Variants in CAP2 observed in about 807,000 individuals in gnomAD.
The protein encoded by CAP2 is adenylyl cyclase-associated protein 2.
CAP2 carries 24 observed loss-of-function variants against 57.7 expected under a neutral mutation model. The observed-to-expected ratio is 0.42, with a 90% CI of 0.30 to 0.58. The LOEUF is 0.58. Among genes scored for constraint, CAP2 ranks in the 20% least tolerant of loss-of-function variants. CAP2 has a pLI of 0.22. For missense variants in CAP2, 501 were observed against 590.3 expected (o/e 0.85, Z 1.57); for synonymous variants, 194 against 207.2 (o/e 0.94, Z 0.55).
chr6:17,396,129 T>A (rs761787449), intron 1 of CAP2, among the ~76,000 whole-genome samples: 1 of 152,198 alleles, frequency 6.6e-6, no homozygotes, highest in Non-Finnish European at 1.5e-5. Flanking sequence ...CTAGCATGGC[T>A]ATAATCAAAA....
intron 12 of CAP2, among the ~76,000 whole-genome samples, chr6:17,554,150 A>G (rs1026185500): frequency 5.3e-5 from 8 of 152,166 alleles, no homozygotes; most frequent in African/African-American, 1.9e-4. Context: ...TCTGTTGACC[A>G]GGCTGGAGTG....
chr6:17,483,084 G>A (rs1180645735), intron 4 of CAP2, among the ~76,000 whole-genome samples: 1 of 152,202 alleles, frequency 6.6e-6, no homozygotes, highest in Admixed American at 6.5e-5. Flanking sequence ...CAGGTGGAGA[G>A]TTCCAGGCCC....
intron 3 of CAP2, among the ~76,000 whole-genome samples, chr6:17,460,729 A>T (rs895525648): frequency 6.6e-6 from 1 of 152,220 alleles, no homozygotes; most frequent in Non-Finnish European, 1.5e-5. Flanking sequence ...TTTTTCATTT[A>T]CATCTCTACG....
rs182411160 is a variant in CAP2 at position 17,445,171 on chromosome 6, A to G, written c.223-17825A>G. ...ACCCAGGCTGGAGTGCAGTGGCACA[A>G]TCTCAGCTCACTGCAACCTCCACCT... On this transcript the variant is annotated intron_variant, in intron 3 of 12. Transcript: ENST00000229922. 1.4e-3 allele frequency among the ~76,000 whole-genome samples: 208 copies of G among 152,314 alleles called. 2 individuals are homozygous for G. The highest frequency in any genetic ancestry group is 4.7e-3 in the African/African-American group (195 of 41,564).
At chr6:17,520,905 G>A (rs559165617) in intron 7 of CAP2, among the ~76,000 whole-genome samples, 1 of 152,326 alleles carries the variant, frequency 6.6e-6, no homozygotes, top group South Asian at 2.1e-4. Context: ...CAAAGTGAAT[G>A]GGCAGCGCCT....
At chr6:17,473,646 A>G (rs1264777585) in intron 4 of CAP2, among the ~76,000 whole-genome samples, 2 of 152,222 alleles carry the variant, frequency 1.3e-5, no homozygotes, top group Non-Finnish European at 2.9e-5. Context: ...AAAGCTGTAT[A>G]TGTGAAAATT....
At chr6:17,521,495 G>T (rs1421730270) in intron 7 of CAP2, among the ~76,000 whole-genome samples, 1 of 152,158 alleles carries the variant, frequency 6.6e-6, no homozygotes. Context: ...GGTTGGAAGT[G>T]GCTGTGAGTT....
At chr6:17,474,228 C>T (rs1335091115) in intron 4 of CAP2, among the ~76,000 whole-genome samples, 3 of 120,580 alleles carry the variant, frequency 2.5e-5, no homozygotes, top group Admixed American at 1.0e-4. Flanking sequence ...TCTCCAAATC[C>T]GTTCCCCTAG....
At chr6:17,421,514 T>C in intron 1 of CAP2, 41 bp from the exon 2 acceptor site, 4 of 1,612,890 alleles carry the variant, frequency 2.5e-6, no homozygotes, top group South Asian at 1.1e-5. Context: ...TCATCCTCCC[T>C]GATGCTCACG....
At chr6:17,490,704 T>G (rs556080881) in intron 4 of CAP2, among the ~76,000 whole-genome samples, 7 of 152,224 alleles carry the variant, frequency 4.6e-5, no homozygotes, top group African/African-American at 1.7e-4. Flanking sequence ...AATGAGAGCC[T>G]TGGAGAAGGA....
chr6:17,436,086 T>TTCCTTCCTTCCTTCCTTCCTTCC (rs1759876688), intron 3 of CAP2, among the ~76,000 whole-genome samples: 66 of 133,992 alleles, frequency 4.9e-4, no homozygotes, highest in African/African-American at 1.8e-3. Context: ...TCTTTCTTTC[T>TTCCTTCCTTCCTTCCTTCCTTCC]TTCCTTCCTT....
chr6:17,428,775 A>T (rs547879577), intron 3 of CAP2, among the ~76,000 whole-genome samples: 19 of 80,212 alleles, frequency 2.4e-4, no homozygotes, highest in African/African-American at 5.7e-4. Flanking sequence ...AAAGTATAAT[A>T]AAAAAAAAAA....
chr6:17,521,345 G>A (rs567596021), intron 7 of CAP2, among the ~76,000 whole-genome samples: 10 of 152,206 alleles, frequency 6.6e-5, no homozygotes, highest in Non-Finnish European at 1.0e-4. Flanking sequence ...ATGAACCTGG[G>A]AGGCGGAGCT....
At chr6:17,486,019 A>C (rs568531652) in intron 4 of CAP2, among the ~76,000 whole-genome samples, 1 of 152,230 alleles carries the variant, frequency 6.6e-6, no homozygotes, top group African/African-American at 2.4e-5. Flanking sequence ...ACAATCACCT[A>C]TAATATATTT....
intron 4 of CAP2, among the ~76,000 whole-genome samples, chr6:17,500,336 T>C (rs1761773943): frequency 1.0e-5 from 1 of 96,864 alleles, no homozygotes; most frequent in Non-Finnish European, 2.0e-5. Context: ...TATGTGTGTG[T>C]CCAAATATAT....
In CAP2 at chr6:17,529,651, A is replaced by AAAAAAAAAT. The variant is rs10656588; in HGVS notation, c.637-9617_637-9616insAAAAAAATA. On this transcript the variant is annotated intron_variant, in intron 7 of 12. Coordinates refer to ENST00000229922, the MANE Select transcript of CAP2 (RefSeq NM_006366.3). The stretch of plus-strand genomic sequence containing the variant: ...GCAAGACTCCGTCTCAAAAAAAAAA[A>AAAAAAAAAT]ATATATATATATATATATATGTATA... 3.8e-3 allele frequency among the ~76,000 whole-genome samples: 511 copies of AAAAAAAAAT among 134,480 alleles called. 8 individuals carry two copies. The highest frequency in any genetic ancestry group is 0.014 in the African/African-American group (482 of 33,944). The allele number at this position is 134,480 out of a possible 152,430, so 88.2% of individuals were successfully genotyped here. A position where few individuals can be genotyped will look rare whatever the true frequency, so the allele number is the denominator to read the frequency against.
chr6:17,548,385 GAAAGA>G (rs1481408629), intron 11 of CAP2, among the ~76,000 whole-genome samples: 2 of 151,388 alleles, frequency 1.3e-5, no homozygotes, highest in Admixed American at 6.6e-5. Context: ...AAGAAAGAAA[GAAAGA>G]AAAGAAAAGA....
At chr6:17,515,492 A>G (rs1561812260) in intron 7 of CAP2, among the ~76,000 whole-genome samples, 1 of 152,054 alleles carries the variant, frequency 6.6e-6, no homozygotes, top group Non-Finnish European at 1.5e-5. Flanking sequence ...GGACTGAAAA[A>G]CTACTTACTG....
intron 7 of CAP2, chr6:17,531,078 T>C: frequency 1.3e-6 from 1 of 768,060 alleles, no homozygotes; most frequent in South Asian, 1.4e-5. Context: ...AATCAGATCC[T>C]CCCTGCAGAT....
Sources: gnomAD v4.1 joint callset for allele counts (sites outside exome capture counted in the v4.1 genomes callset) on GRCh38, gnomAD v4.1.1 for gene constraint, MANE v1.5 for transcripts, NCBI Gene and HGNC (gene_info 2026-07-23, HGNC 2026-07-21) for gene names.